DSCAM: variants seen among roughly 807,000 people sequenced by gnomAD.
DSCAM encodes DS cell adhesion molecule, also known as cell adhesion molecule DSCAM.
A neutral mutation model predicts 217.7 loss-of-function variants in DSCAM; 47 were observed. That is an observed-to-expected ratio of 0.22 (90% CI 0.17 to 0.28). The LOEUF is 0.28. Ranked by LOEUF, DSCAM falls within the 10% of genes least tolerant of loss-of-function variation. The pLI is 1.00. For synonymous variants in DSCAM, 1,056 were observed against 1,015.3 expected (o/e 1.04, Z -0.76); for missense variants, 2,080 against 2,618.3 (o/e 0.79, Z 4.49).
chr21:40,748,819 C>T lies in DSCAM; in HGVS notation c.44-40048G>A, dbSNP rs140396992. ...GAACAAAGCTTCAGGCATCACTCTA[C>T]CTGATGAAAATATACTGCATAGCTA... On this transcript the variant is annotated intron_variant, in intron 1 of 32. Coordinates refer to ENST00000400454, the MANE Select transcript of DSCAM (RefSeq NM_001389.5). 6.9e-3 allele frequency among the ~76,000 whole-genome samples: 1,043 copies of T among 152,180 alleles called. 14 individuals carry two copies. The highest frequency in any genetic ancestry group is 0.024 in the African/African-American group (995 of 41,536).
At chr21:40,070,252 AGGAG>A (rs1301688054) in intron 27 of DSCAM, among the ~76,000 whole-genome samples, 49 of 121,276 alleles carry the variant, frequency 4.0e-4, no homozygotes, top group African/African-American at 1.3e-3. Flanking sequence ...AAGGTAGGGA[AGGAG>A]GGAGGGAGGG....
intron 3 of DSCAM, among the ~76,000 whole-genome samples, chr21:40,561,566 C>A (rs184483814): frequency 6.6e-6 from 1 of 152,018 alleles, no homozygotes; most frequent in Admixed American, 6.6e-5. Context: ...TCAGTGATAC[C>A]CCATTTCCTC....
intron 3 of DSCAM, among the ~76,000 whole-genome samples, chr21:40,550,748 C>T (rs1158733578): frequency 2.0e-5 from 3 of 152,146 alleles, no homozygotes; most frequent in African/African-American, 7.2e-5. Context: ...GGGCAGCCTC[C>T]AGAACCATAA....
intron 28 of DSCAM, among the ~76,000 whole-genome samples, chr21:40,062,470 G>A (rs1357783560): frequency 2.0e-5 from 3 of 152,196 alleles, no homozygotes; most frequent in East Asian, 1.9e-4. Context: ...TGAAGAGCAT[G>A]GGGCATAGCA....
chr21:40,280,338 C>T (rs2073743885), intron 10 of DSCAM, among the ~76,000 whole-genome samples: 1 of 151,784 alleles, frequency 6.6e-6, no homozygotes, highest in Non-Finnish European at 1.5e-5. Flanking sequence ...CGGCAGACAC[C>T]ACCATACCCC....
At chr21:40,634,477 T>C (rs1181983550) in intron 3 of DSCAM, among the ~76,000 whole-genome samples, 12 of 152,188 alleles carry the variant, frequency 7.9e-5, no homozygotes, top group Non-Finnish European at 1.2e-4. Flanking sequence ...ACACTCTTCC[T>C]CCAAAGATTT....
At chr21:40,542,562 T>C (rs1481972592) in intron 3 of DSCAM, among the ~76,000 whole-genome samples, 1 of 152,220 alleles carries the variant, frequency 6.6e-6, no homozygotes, top group Non-Finnish European at 1.5e-5. Context: ...AGAGTTAGCT[T>C]ATTCTTCAGC....
chr21:40,340,827 G>C (rs2074483176), intron 6 of DSCAM, among the ~76,000 whole-genome samples: 1 of 152,182 alleles, frequency 6.6e-6, no homozygotes, highest in Non-Finnish European at 1.5e-5. Context: ...AATTCCATCA[G>C]GGAAAGGTGA....
At chr21:40,465,068 A>ATTTT (rs2075833554) in intron 3 of DSCAM, among the ~76,000 whole-genome samples, 1 of 152,056 alleles carries the variant, frequency 6.6e-6, no homozygotes, top group Non-Finnish European at 1.5e-5. Context: ...TGTAAATAAA[A>ATTTT]TTGTTTTCGT....
intron 1 of DSCAM, among the ~76,000 whole-genome samples, chr21:40,816,290 G>C (rs1422435435): frequency 6.6e-6 from 1 of 152,104 alleles, no homozygotes. Flanking sequence ...TGAGGTGTCG[G>C]GATGCTAGAT....
intron 11 of DSCAM, among the ~76,000 whole-genome samples, chr21:40,248,098 G>A (rs773992778): frequency 1.3e-5 from 2 of 152,118 alleles, no homozygotes; most frequent in Non-Finnish European, 1.5e-5. Flanking sequence ...AACTCCCTAG[G>A]CTGCACACAG....
chr21:40,524,071 C>T (rs2076381165), intron 3 of DSCAM, among the ~76,000 whole-genome samples: 1 of 152,124 alleles, frequency 6.6e-6, no homozygotes, highest in Non-Finnish European at 1.5e-5. Flanking sequence ...CAAAAAATGC[C>T]AGTAGCTACC....
intron 3 of DSCAM, among the ~76,000 whole-genome samples, chr21:40,486,209 A>G (rs1254536172): frequency 6.6e-6 from 1 of 152,188 alleles, no homozygotes; most frequent in Non-Finnish European, 1.5e-5. Flanking sequence ...AAGCACATGA[A>G]ATGCATTCAC....
intron 20 of DSCAM, among the ~76,000 whole-genome samples, chr21:40,099,421 G>A (rs183811445): frequency 4.6e-5 from 7 of 152,156 alleles, no homozygotes; most frequent in African/African-American, 1.7e-4. Flanking sequence ...ACGTCAAGCT[G>A]TTAGTGGCTC....
At chr21:40,563,727 T>TTTATATGTTTATATATAG (rs890742484) in intron 3 of DSCAM, among the ~76,000 whole-genome samples, 1 of 147,260 alleles carries the variant, frequency 6.8e-6, no homozygotes, top group Admixed American at 6.8e-5. Flanking sequence ...TTTATATATG[T>TTTATATGTTTATATATAG]TTATATGTTT....
intron 8 of DSCAM, among the ~76,000 whole-genome samples, chr21:40,323,440 GT>G (rs2074282214): frequency 6.6e-6 from 1 of 152,148 alleles, no homozygotes; most frequent in African/African-American, 2.4e-5. Context: ...TTAGTGCTGA[GT>G]TCTCTTTCAA....
intron 3 of DSCAM, among the ~76,000 whole-genome samples, chr21:40,565,499 C>T (rs1331824745): frequency 1.3e-5 from 2 of 152,186 alleles, no homozygotes; most frequent in Non-Finnish European, 2.9e-5. Flanking sequence ...AAATAGGTCA[C>T]ACATAAGGAA....
chr21:40,083,257 CG>C (rs1201280734), intron 24 of DSCAM, among the ~76,000 whole-genome samples: 1 of 152,184 alleles, frequency 6.6e-6, no homozygotes. Flanking sequence ...GGCAAAACCC[CG>C]TCTCTAGTAA....
chr21:40,453,040 TTGTGTGTGTGTGTGTGTGTGTGTGTG>T (rs3069917), intron 3 of DSCAM, among the ~76,000 whole-genome samples: 21 of 134,426 alleles, frequency 1.6e-4, no homozygotes, highest in East Asian at 7.2e-4. Flanking sequence ...TTTAAAGACT[TTGTGTGTGTGTGTGTGTGTGTGTGTG>T]TGTGTGTGTG....
Sources: gnomAD v4.1 joint callset for allele counts (sites outside exome capture counted in the v4.1 genomes callset) on GRCh38, gnomAD v4.1.1 for gene constraint, MANE v1.5 for transcripts, NCBI Gene and HGNC (gene_info 2026-07-23, HGNC 2026-07-21) for gene names.